The following GPD2 variants were observed in gnomAD, a reference collection of about 807,000 sequenced individuals.
GPD2 encodes glycerol-3-phosphate dehydrogenase, mitochondrial.
Under a neutral mutation model 82.4 loss-of-function variants are expected in GPD2, and 54 were observed. The ratio of observed to expected loss-of-function variants is 0.66; its 90% confidence interval spans 0.53 to 0.82. GPD2 has a LOEUF of 0.82. Ranked by LOEUF, GPD2 falls within the 40% of genes least tolerant of loss-of-function variation. The pLI is 0.00. For missense variants in GPD2, 748 were observed against 896.2 expected, an observed-to-expected ratio of 0.83 and a Z score of 2.11; for synonymous variants, 288 against 306.1, an observed-to-expected ratio of 0.94 and a Z score of 0.62.
chr2:156,492,603 A>G (rs1212267197), intron 2 of GPD2, among the ~76,000 whole-genome samples: 1 of 152,098 alleles, frequency 6.6e-6, no homozygotes, highest in Non-Finnish European at 1.5e-5. Flanking sequence ...TCCGGTTGTA[A>G]TATAGAAAAT....
chr2:156,501,261 T>C (rs1684576804), intron 3 of GPD2, among the ~76,000 whole-genome samples: 2 of 152,192 alleles, frequency 1.3e-5, no homozygotes, highest in Admixed American at 1.3e-4. Context: ...AAATATTAAT[T>C]GTAGTTCTCT....
upstream of GPD2, among the ~76,000 whole-genome samples, chr2:156,433,435 G>A (rs1290163343): frequency 6.6e-6 from 1 of 151,992 alleles, no homozygotes; most frequent in African/African-American, 2.4e-5. Context: ...CCTCCACCCA[G>A]GAACTGACTT....
Position 156,584,404 on chromosome 2 carries a change from T to C in GPD2, c.*1486T>C, listed in dbSNP as rs1688141128. The C allele has an allele frequency of 1.3e-5, 2 of 152,482 alleles. No individual in the cohort carries two copies. The highest frequency in any genetic ancestry group is 4.1e-4 in the South Asian group (2 of 4,830). The allele number at this position is 152,482 out of a possible 1,614,324, so 9.4% of individuals were successfully genotyped here. A position where few individuals can be genotyped will look rare whatever the true frequency, so the allele number is the denominator to read the frequency against. ...AACTGGCACATAAAACACTTTTTGC[T>C]GTTATTTTTATTTATGTCAATACTG... On this transcript the variant is annotated 3_prime_UTR_variant, in exon 17 of 17. Transcript: ENST00000438166.
At chr2:156,548,724 A>G (rs1387231410) in intron 6 of GPD2, among the ~76,000 whole-genome samples, 1 of 152,176 alleles carries the variant, frequency 6.6e-6, no homozygotes, top group Non-Finnish European at 1.5e-5. Flanking sequence ...TATTATCTTG[A>G]TAGAACTGAT....
intron 1 of GPD2, among the ~76,000 whole-genome samples, chr2:156,464,232 A>G (rs1573895045): frequency 6.6e-6 from 1 of 152,172 alleles, no homozygotes; most frequent in African/African-American, 2.4e-5. Flanking sequence ...AATTACTTCA[A>G]TCTGTTTCTC....
intron 2 of GPD2, among the ~76,000 whole-genome samples, chr2:156,491,428 G>A (rs1451636717): frequency 6.6e-6 from 1 of 152,220 alleles, no homozygotes; most frequent in African/African-American, 2.4e-5. Context: ...GATTTGGGCT[G>A]AAGACCATAA....
At chr2:156,527,960 T>C (rs1685675632) in intron 6 of GPD2, among the ~76,000 whole-genome samples, 1 of 152,154 alleles carries the variant, frequency 6.6e-6, no homozygotes, top group South Asian at 2.1e-4. Context: ...TCTCTTTTAA[T>C]AATTCCCCGT....
At chr2:156,402,126 T>C in the GPD2 span, among the ~76,000 whole-genome samples, 2 of 152,202 alleles carry the variant, frequency 1.3e-5, no homozygotes, top group Non-Finnish European at 2.9e-5. Context: ...AGAGGCAAGA[T>C]TGGAACACAC....
At chr2:156,550,215 A>G (rs530177382) in intron 7 of GPD2, among the ~76,000 whole-genome samples, 4 of 152,340 alleles carry the variant, frequency 2.6e-5, no homozygotes, top group Admixed American at 2.6e-4. Flanking sequence ...TTTCCAAATT[A>G]TATCGTTTCT....
intron 6 of GPD2, among the ~76,000 whole-genome samples, chr2:156,521,216 C>G (rs1371334931): frequency 6.6e-6 from 1 of 152,172 alleles, no homozygotes; most frequent in African/African-American, 2.4e-5. Context: ...CTGAACAACA[C>G]AGATGAATCT....
chr2:156,408,711 T>TAA, the GPD2 span, among the ~76,000 whole-genome samples: 134 of 82,020 alleles, frequency 1.6e-3, no homozygotes, highest in Middle Eastern at 7.1e-3. Context: ...CTGCACCTGG[T>TAA]AAAAAAAAAA....
intron 9 of GPD2, among the ~76,000 whole-genome samples, chr2:156,564,024 GT>G (rs1222981962): frequency 2.6e-5 from 4 of 152,166 alleles, no homozygotes; most frequent in Non-Finnish European, 5.9e-5. Flanking sequence ...CCATGGGACA[GT>G]GCTGATCTTG....
chr2:156,508,015 C>A (rs1335657035), intron 3 of GPD2, among the ~76,000 whole-genome samples: 1 of 152,178 alleles, frequency 6.6e-6, no homozygotes, highest in Non-Finnish European at 1.5e-5. Flanking sequence ...ACTCCCATCT[C>A]TCCCATCTTG....
At chr2:156,405,433 C>A in the GPD2 span, among the ~76,000 whole-genome samples, 1 of 152,230 alleles carries the variant, frequency 6.6e-6, no homozygotes, top group Non-Finnish European at 1.5e-5. Context: ...GAATATCACA[C>A]AGAGAAAAGA....
chr2:156,481,433 TAACC>T (rs1683726966), intron 2 of GPD2, among the ~76,000 whole-genome samples: 1 of 152,046 alleles, frequency 6.6e-6, no homozygotes, highest in South Asian at 2.1e-4. Flanking sequence ...TTGTGTGTAT[TAACC>T]AACCTCTCCC....
At chr2:156,526,500 TA>T (rs1685614157) in intron 6 of GPD2, among the ~76,000 whole-genome samples, 1 of 152,190 alleles carries the variant, frequency 6.6e-6, no homozygotes, top group East Asian at 1.9e-4. Context: ...GAGTCTGTCT[TA>T]TACTAATATG....
chr2:156,407,762 G>T, the GPD2 span, among the ~76,000 whole-genome samples: 5 of 152,058 alleles, frequency 3.3e-5, no homozygotes, highest in Admixed American at 3.3e-4. Context: ...GAGAACACCT[G>T]CAGGATAAAT....
the GPD2 span, among the ~76,000 whole-genome samples, chr2:156,426,640 A>G: frequency 4.6e-5 from 7 of 152,214 alleles, no homozygotes; most frequent in African/African-American, 1.7e-4. Flanking sequence ...AAACATCTAA[A>G]TTAGAAACAC....
chr2:156,506,909 TATA>T (rs1294815058), intron 3 of GPD2, among the ~76,000 whole-genome samples: 1 of 152,228 alleles, frequency 6.6e-6, no homozygotes, highest in Admixed American at 6.5e-5. Context: ...ATTCCTTTTT[TATA>T]ATAATAAATT....
Sources: allele counts gnomAD v4.1 joint callset (sites outside exome capture counted in the v4.1 genomes callset), GRCh38; gene constraint gnomAD v4.1.1; transcripts MANE v1.5; gene names NCBI Gene and HGNC (gene_info 2026-07-23, HGNC 2026-07-21).